Variants in ZFHX3 observed in about 807,000 individuals in gnomAD.
The protein encoded by ZFHX3 is zinc finger homeobox 3.
ZFHX3 carries 42 observed loss-of-function variants against 279.1 expected under a neutral mutation model. The ratio of observed to expected loss-of-function variants is 0.15; its 90% CI spans 0.12 to 0.19. The LOEUF (loss-of-function observed/expected upper bound fraction) is 0.19, where lower values mean the gene tolerates loss of function less well. Ranked by LOEUF, ZFHX3 falls within the 10% of genes least tolerant of loss-of-function variation. ZFHX3 has a pLI of 1.00. For synonymous variants in ZFHX3, 2,293 were observed against 1,957.8 expected (o/e 1.17, Z -4.52); for missense variants, 4,981 against 4,754.0 (o/e 1.05, Z -1.40).
intron 2 of ZFHX3, among the ~76,000 whole-genome samples, chr16:73,665,714 A>G (rs2052831888): frequency 6.6e-6 from 1 of 151,650 alleles, no homozygotes; most frequent in Admixed American, 6.6e-5. Flanking sequence ...AAATTTTAAA[A>G]CCCCACATAA....
chr16:72,787,951 G>T lies in ZFHX3; in HGVS notation c.10325C>A (p.Pro3442Gln), dbSNP rs1429727108. 6.2e-7 allele frequency: 1 copy of T among 1,613,918 alleles called. No homozygotes were observed. Among genetic ancestry groups the T allele is most frequent in the Non-Finnish European group, 8.5e-7 (1 of 1,179,982 alleles). ...GTCCGCACTTTTGCTTTCTGCTTCT[G>T]GCTCTTCAGGGAGTTTCGGCAGGAG... Reference protein sequence around the residue: ...SPLLPKLPEEPEAESKSADSL... With the variant: ...SPLLPKLPEEQEAESKSADSL... The change falls in exon 10 of 10, where the codon CCA becomes CAA. Residue 3442 changes from proline to glutamine, a missense_variant. Around this residue, in one of 7 missense-constraint regions of ZFHX3, gnomAD observed 1,034 missense variants for 786.0 expected, o/e 1.32. Coordinates refer to ENST00000268489, the MANE Select transcript of ZFHX3 (RefSeq NM_006885.4).
chr16:73,864,711 C>T (rs1353744250), intron 1 of ZFHX3, among the ~76,000 whole-genome samples: 1 of 151,708 alleles, frequency 6.6e-6, no homozygotes, highest in Non-Finnish European at 1.5e-5. Flanking sequence ...CAGAGCAAGA[C>T]TCTGTCTCAA....
intron 2 of ZFHX3, among the ~76,000 whole-genome samples, chr16:73,601,052 C>T (rs9934505): frequency 0.73 from 110,445 of 151,690 alleles, 43,402 homozygotes; most frequent in East Asian, 0.99. Context: ...TTAGCAAATA[C>T]ATTTCCAGTC....
intron 4 of ZFHX3, among the ~76,000 whole-genome samples, chr16:72,863,999 C>A (rs1383417719): frequency 6.6e-6 from 1 of 152,078 alleles, no homozygotes; most frequent in Non-Finnish European, 1.5e-5. Flanking sequence ...TGCCTGTAGT[C>A]CCAGCTACTT....
chr16:73,217,013 T>G (rs1442320638), intron 5 of ZFHX3, among the ~76,000 whole-genome samples: 4 of 152,200 alleles, frequency 2.6e-5, no homozygotes, highest in African/African-American at 9.7e-5. Context: ...CTTGCTCTAA[T>G]GTTGACCCAC....
At chr16:73,872,052 C>T (rs992779642) in intron 1 of ZFHX3, among the ~76,000 whole-genome samples, 2 of 152,152 alleles carry the variant, frequency 1.3e-5, no homozygotes, top group African/African-American at 4.8e-5. Flanking sequence ...GATCAATATT[C>T]ACATTTTGAA....
exon 7 of ZFHX3, chr16:73,131,070 C>G: frequency 9.7e-7 from 1 of 1,033,230 alleles, no homozygotes; most frequent in Non-Finnish European, 1.4e-6. Flanking sequence ...CTCTTGTTAA[C>G]TTCTTTGTGT....
chr16:73,086,255 C>G (rs1250303768), intron 8 of ZFHX3, among the ~76,000 whole-genome samples: 4 of 152,130 alleles, frequency 2.6e-5, no homozygotes, highest in Non-Finnish European at 5.9e-5. Context: ...CCCACGTGCA[C>G]TGTTGGTGGG....
intron 1 of ZFHX3, among the ~76,000 whole-genome samples, chr16:72,970,737 T>C (rs569674029): frequency 6.6e-6 from 1 of 152,310 alleles, no homozygotes; most frequent in South Asian, 2.1e-4. Context: ...GGCTTTTTCA[T>C]CTCCTCCCAA....
chr16:73,172,308 CCTT>C (rs1967549275), intron 5 of ZFHX3, among the ~76,000 whole-genome samples: 1 of 152,356 alleles, frequency 6.6e-6, no homozygotes, highest in East Asian at 1.9e-4. Context: ...CCGACGCCCT[CCTT>C]CCTCCTGCCC....
chr16:73,739,992 C>T (rs2053641049), intron 1 of ZFHX3, among the ~76,000 whole-genome samples: 1 of 152,082 alleles, frequency 6.6e-6, no homozygotes, highest in African/African-American at 2.4e-5. Flanking sequence ...CCTCCCAGTC[C>T]CTCTCAGGGA....
chr16:72,990,203 A>G (rs1311637971), intron 1 of ZFHX3, among the ~76,000 whole-genome samples: 1 of 152,136 alleles, frequency 6.6e-6, no homozygotes, highest in Non-Finnish European at 1.5e-5. Context: ...GATGGAGGGG[A>G]AACCAGTAAA....
intron 3 of ZFHX3, among the ~76,000 whole-genome samples, chr16:73,394,096 T>C (rs1285294331): frequency 6.6e-6 from 1 of 150,716 alleles, no homozygotes; most frequent in Non-Finnish European, 1.5e-5. Flanking sequence ...ATCCCATCAA[T>C]TGATTTCACC....
At chr16:73,840,584 T>C (rs1961276772) in intron 1 of ZFHX3, among the ~76,000 whole-genome samples, 1 of 152,202 alleles carries the variant, frequency 6.6e-6, no homozygotes, top group African/African-American at 2.4e-5. Context: ...ATGTTCCCTG[T>C]GTTCCAGAGT....
chr16:73,024,553 G>A (rs1186938241), intron 1 of ZFHX3, among the ~76,000 whole-genome samples: 1 of 152,172 alleles, frequency 6.6e-6, no homozygotes, highest in Non-Finnish European at 1.5e-5. Flanking sequence ...TCAGGGCACT[G>A]GTTCTCGAGG....
chr16:73,725,589 G>A (rs971961151), intron 1 of ZFHX3, among the ~76,000 whole-genome samples: 1 of 151,836 alleles, frequency 6.6e-6, no homozygotes, highest in Admixed American at 6.6e-5. Flanking sequence ...AGGAATCAGG[G>A]AATAGGGTGG....
At chr16:73,326,469 G>A (rs774194506) in intron 3 of ZFHX3, among the ~76,000 whole-genome samples, 2 of 152,148 alleles carry the variant, frequency 1.3e-5, no homozygotes, top group African/African-American at 4.8e-5. Context: ...CAAAGAGGAC[G>A]AACCTTAAAA....
intron 5 of ZFHX3, among the ~76,000 whole-genome samples, chr16:73,236,265 C>T (rs972373921): frequency 2.0e-5 from 3 of 152,220 alleles, no homozygotes; most frequent in Admixed American, 6.5e-5. Context: ...TGGTCAACAT[C>T]ATTTTAGCAG....
intron 2 of ZFHX3, among the ~76,000 whole-genome samples, chr16:73,488,129 GT>G (rs1448211205): frequency 6.6e-6 from 1 of 152,198 alleles, no homozygotes; most frequent in Non-Finnish European, 1.5e-5. Flanking sequence ...CTGGTACAAG[GT>G]CCTCACAAAA....
Sources: gnomAD v4.1 joint callset for allele counts (sites outside exome capture counted in the v4.1 genomes callset) on GRCh38, gnomAD v4.1.1 for gene constraint, gnomAD v4.1.1 regional missense constraint, MANE v1.5 for transcripts, NCBI Gene and HGNC (gene_info 2026-07-23, HGNC 2026-07-21) for gene names.